SPAG16: variants seen among roughly 807,000 people sequenced by gnomAD.
The protein encoded by SPAG16 is sperm associated antigen 16.
SPAG16 carries 86 observed loss-of-function variants against 80.4 expected under a neutral mutation model. The observed-to-expected ratio is 1.07, with a 90% confidence interval of 0.90 to 1.28. The LOEUF is 1.28. SPAG16 is among the 50% of genes most tolerant of loss of function. SPAG16 has a pLI of 0.00. For synonymous variants in SPAG16, 294 were observed against 265.9 expected (o/e 1.11, Z -1.03); for missense variants, 870 against 765.3 (o/e 1.14, Z -1.61).
intron 13 of SPAG16, among the ~76,000 whole-genome samples, chr2:214,024,830 T>C (rs546361042): frequency 6.6e-6 from 1 of 151,720 alleles, no homozygotes; most frequent in African/African-American, 2.4e-5. Flanking sequence ...AATAGGATTG[T>C]CACATATAAA....
chr2:213,439,438 A>C (rs2070812601), intron 9 of SPAG16, among the ~76,000 whole-genome samples: 1 of 152,232 alleles, frequency 6.6e-6, no homozygotes, highest in Non-Finnish European at 1.5e-5. Context: ...GGAAATTGTT[A>C]TTTAAAACTG....
At chr2:213,969,227 T>C (rs1454880957) in intron 12 of SPAG16, among the ~76,000 whole-genome samples, 1 of 152,176 alleles carries the variant, frequency 6.6e-6, no homozygotes, top group Non-Finnish European at 1.5e-5. Flanking sequence ...AGTTTGGACC[T>C]TTTTCCTTGG....
chr2:213,641,955 GTCA>G (rs1290855589), intron 10 of SPAG16, among the ~76,000 whole-genome samples: 1 of 152,192 alleles, frequency 6.6e-6, no homozygotes, highest in Admixed American at 6.5e-5. Flanking sequence ...ACCATCAGAT[GTCA>G]TGATAAGTCA....
At chr2:213,527,309 G>C (rs555933317) in intron 10 of SPAG16, among the ~76,000 whole-genome samples, 13 of 152,198 alleles carry the variant, frequency 8.5e-5, no homozygotes, top group Non-Finnish European at 1.5e-4. Flanking sequence ...CAAGCTGCTT[G>C]GTTTTAGCTT....
intron 11 of SPAG16, among the ~76,000 whole-genome samples, chr2:213,864,898 C>T (rs1257371800): frequency 3.9e-5 from 6 of 151,902 alleles, no homozygotes; most frequent in Non-Finnish European, 7.4e-5. Flanking sequence ...CATAGTAATA[C>T]TCATATCAGA....
At position 214,008,412 on chromosome 2, in the gene SPAG16, C is replaced by CAGTGTATGGA. The variant is rs1399121190; in HGVS notation, c.1401-5539_1401-5538insAGTGTATGGA. On this transcript the variant is annotated intron_variant, in intron 12 of 15. Coordinates refer to ENST00000331683, the MANE Select transcript of SPAG16 (RefSeq NM_024532.5). ...TCTTGTGTATGGATTACATTTTTAC[C>CAGTGTATGGA]TTTCCACTTATGTACATATGTAGCA... 1.8e-3 allele frequency among the ~76,000 whole-genome samples: 278 copies of CAGTGTATGGA among 151,472 alleles called. 1 individual carries two copies. Among genetic ancestry groups the CAGTGTATGGA allele is most frequent in the African/African-American group, 6.3e-3 (259 of 41,252 alleles).
At chr2:213,909,291 G>A (rs1348366665) in intron 11 of SPAG16, among the ~76,000 whole-genome samples, 1 of 151,982 alleles carries the variant, frequency 6.6e-6, no homozygotes, top group African/African-American at 2.4e-5. Flanking sequence ...TCGTGAAAAT[G>A]GCCATACTGC....
At chr2:214,181,711 T>G (rs2057311950) in intron 15 of SPAG16, among the ~76,000 whole-genome samples, 1 of 151,998 alleles carries the variant, frequency 6.6e-6, no homozygotes, top group East Asian at 1.9e-4. Flanking sequence ...TCTGCCATTG[T>G]CACTTCCATA....
intron 14 of SPAG16, among the ~76,000 whole-genome samples, chr2:214,111,556 A>G (rs1434194290): frequency 6.6e-6 from 1 of 152,186 alleles, no homozygotes; most frequent in Non-Finnish European, 1.5e-5. Flanking sequence ...GTTTGAAGTC[A>G]GGTAGCGTGA....
At chr2:214,090,820 T>C (rs1017605586) in intron 13 of SPAG16, among the ~76,000 whole-genome samples, 1 of 152,064 alleles carries the variant, frequency 6.6e-6, no homozygotes, top group African/African-American at 2.4e-5. Flanking sequence ...AGTCTTTGCG[T>C]CCTTTGAGAG....
intron 10 of SPAG16, among the ~76,000 whole-genome samples, chr2:213,575,576 A>G (rs1294646316): frequency 6.6e-6 from 1 of 152,088 alleles, no homozygotes; most frequent in Non-Finnish European, 1.5e-5. Context: ...AGTGACTTCC[A>G]CTGTAAGTTC....
intron 10 of SPAG16, among the ~76,000 whole-genome samples, chr2:213,781,492 C>T (rs183531927): frequency 2.0e-5 from 3 of 152,232 alleles, no homozygotes; most frequent in Admixed American, 2.0e-4. Context: ...GCTCATTCTC[C>T]TAACCCCTCC....
chr2:214,081,502 T>C (rs2125264668), intron 13 of SPAG16, among the ~76,000 whole-genome samples: 1 of 152,200 alleles, frequency 6.6e-6, no homozygotes, highest in East Asian at 1.9e-4. Flanking sequence ...AGAGAGAGAA[T>C]GCCATATAAA....
chr2:213,469,641 A>G (rs961816782), intron 9 of SPAG16, among the ~76,000 whole-genome samples: 2 of 127,130 alleles, frequency 1.6e-5, no homozygotes, highest in African/African-American at 6.2e-5. Context: ...GGTCTGGGTC[A>G]TTTGTAGTCC....
intron 13 of SPAG16, among the ~76,000 whole-genome samples, chr2:214,034,069 A>G (rs2048559820): frequency 6.6e-6 from 1 of 152,340 alleles, no homozygotes; most frequent in South Asian, 2.1e-4. Flanking sequence ...TTGGAAAAGT[A>G]CAGGCCAGCT....
At chr2:213,667,921 A>G (rs189507966) in intron 10 of SPAG16, among the ~76,000 whole-genome samples, 66 of 146,234 alleles carry the variant, frequency 4.5e-4, no homozygotes, top group Non-Finnish European at 6.5e-4. Context: ...GTGTATTTGA[A>G]TAAAAATTCT....
chr2:213,746,361 A>C (rs1227627971), intron 10 of SPAG16, among the ~76,000 whole-genome samples: 1 of 152,226 alleles, frequency 6.6e-6, no homozygotes. Flanking sequence ...TGAACCACAT[A>C]TACTATAGTG....
chr2:213,427,608 G>A (rs1350028829), intron 9 of SPAG16, among the ~76,000 whole-genome samples: 2 of 152,066 alleles, frequency 1.3e-5, no homozygotes, highest in South Asian at 2.1e-4. Flanking sequence ...ATCATTTTCT[G>A]TCTATAGGTG....
intron 13 of SPAG16, among the ~76,000 whole-genome samples, chr2:214,058,286 A>G (rs1169826617): frequency 6.6e-6 from 1 of 152,142 alleles, no homozygotes; most frequent in Non-Finnish European, 1.5e-5. Flanking sequence ...CTTCGAGGCC[A>G]TTGTAGTGTT....
Sources: allele counts gnomAD v4.1 joint callset (sites outside exome capture counted in the v4.1 genomes callset), GRCh38; gene constraint gnomAD v4.1.1; transcripts MANE v1.5; gene names NCBI Gene and HGNC (gene_info 2026-07-23, HGNC 2026-07-21).